Variants in UIMC1 observed in about 807,000 individuals in gnomAD.
UIMC1 encodes the protein ubiquitin interaction motif containing 1.
In UIMC1, 42 loss-of-function variants were observed where a neutral mutation model predicts 84.9. The observed-to-expected ratio is 0.49, with a 90% CI of 0.39 to 0.64. UIMC1 has a LOEUF of 0.64. Ranked by LOEUF, UIMC1 falls within the 30% of genes least tolerant of loss-of-function variation. The probability of loss-of-function intolerance (pLI) is 0.00; values close to 1 mark genes in which losing one functional copy is unlikely to be tolerated. For missense variants in UIMC1, 825 were observed against 847.6 expected (o/e 0.97, Z 0.33); for synonymous variants, 281 against 293.0 (o/e 0.96, Z 0.42).
At chr5:176,963,429 G>C (rs1451479900) in intron 6 of UIMC1, among the ~76,000 whole-genome samples, 3 of 151,726 alleles carry the variant, frequency 2.0e-5, no homozygotes, top group Non-Finnish European at 4.4e-5. Flanking sequence ...GCTGAAGCAG[G>C]AGAATCACTT....
At chr5:176,983,562 T>C (rs1341927911) in intron 1 of UIMC1, among the ~76,000 whole-genome samples, 1 of 152,132 alleles carries the variant, frequency 6.6e-6, no homozygotes, top group African/African-American at 2.4e-5. Flanking sequence ...TGGAGTGCAG[T>C]GGCATGATCT....
intron 1 of UIMC1, among the ~76,000 whole-genome samples, chr5:176,984,794 C>T (rs1242218024): frequency 1.3e-5 from 2 of 152,150 alleles, no homozygotes; most frequent in Admixed American, 1.3e-4. Context: ...AACCTTACCC[C>T]CAACCCCGTG....
At chr5:176,973,936 TGTTAGTCCCAG>T in intron 3 of UIMC1, among the ~76,000 whole-genome samples, 1 of 152,154 alleles carries the variant, frequency 6.6e-6, no homozygotes, top group African/African-American at 2.4e-5. Context: ...GATGCATGCC[TGTTAGTCCCAG>T]CTATTCAGGA....
chr5:177,019,400 C>G (rs1032309362), intron 1 of UIMC1, among the ~76,000 whole-genome samples: 1 of 152,054 alleles, frequency 6.6e-6, no homozygotes, highest in African/African-American at 2.4e-5. Context: ...CTTTGGGAGG[C>G]TGAGGCAGGA....
chr5:176,922,750 T>G (rs1761860566), intron 10 of UIMC1, among the ~76,000 whole-genome samples: 1 of 152,252 alleles, frequency 6.6e-6, no homozygotes, highest in African/African-American at 2.4e-5. Context: ...AGATATGAAT[T>G]ACTTTTAAGT....
intron 10 of UIMC1, 44 bp from the exon 11 acceptor site, chr5:176,911,433 C>T (rs1379032413): frequency 2.3e-6 from 3 of 1,332,606 alleles, no homozygotes; most frequent in Non-Finnish European, 3.0e-6. Flanking sequence ...AGTTAGCTGC[C>T]AGTAGACTCT....
upstream of UIMC1, among the ~76,000 whole-genome samples, chr5:177,009,791 T>C (rs960589680): frequency 2.6e-5 from 4 of 151,908 alleles, no homozygotes; most frequent in African/African-American, 9.7e-5. The surrounding 1 kb of genome is among the most constrained non-coding windows in gnomAD (Gnocchi z 4.3). Context: ...TCCCAGCATT[T>C]TGGGAGGCCG....
In UIMC1 at chr5:176,969,557, A is replaced by C. The variant is rs573088146; in HGVS notation, c.463+44T>G. The C allele has an allele frequency of 1.9e-6, 3 of 1,576,120 alleles. No individual in the cohort carries two copies. In the African/African-American group the frequency reaches 4.0e-5, roughly 21 times the overall value. ...TCTCAGCATGAGATCCCTGTGGTAC[A>C]GTTATACTTGATGAATGGAAGGAGT... On this transcript the variant is annotated intron_variant, in intron 5 of 14. Coordinates refer to ENST00000511320, the MANE Select transcript of UIMC1 (RefSeq NM_001199298.2).
intron 1 of UIMC1, among the ~76,000 whole-genome samples, chr5:176,997,274 G>A (rs902933295): frequency 6.6e-6 from 1 of 152,038 alleles, no homozygotes; most frequent in Non-Finnish European, 1.5e-5. Flanking sequence ...CAACTCTCGT[G>A]TAGACAATTT....
chr5:177,013,180 T>G (rs1775591705), intron 1 of UIMC1, among the ~76,000 whole-genome samples: 8 of 151,960 alleles, frequency 5.3e-5, no homozygotes, highest in Admixed American at 5.3e-4. Flanking sequence ...GAGACCAGCC[T>G]GGCCCACATG....
At chr5:176,961,999 CA>C (rs1348535720) in intron 6 of UIMC1, among the ~76,000 whole-genome samples, 5 of 69,776 alleles carry the variant, frequency 7.2e-5, no homozygotes, top group African/African-American at 1.3e-4. Context: ...GTGGGGGGGT[CA>C]GCCCCCCTGC....
In UIMC1 at chr5:176,969,683, G is replaced by A. The variant is rs72813116; in HGVS notation, c.381C>T (p.Ser127=). ...TGGCCAGAGGTCGAGATCTGGTAGC[G>A]GAAGCATCAGAAGGCCGGCAACTCT... ...SLNSCRPSDA[S]ATRSRPLATG... is the part of the protein sequence containing the mutation. Residue 127 remains serine (S), a synonymous_variant, in exon 5 of 15, where the codon TCC becomes TCT. Coordinates refer to ENST00000511320, the MANE Select transcript of UIMC1 (RefSeq NM_001199298.2). 0.017 allele frequency: 27,024 copies of A among 1,613,978 alleles called. 271 individuals are homozygous for A. The highest frequency in any genetic ancestry group is 0.028 in the South Asian group (2,508 of 91,068).
At chr5:176,990,788 C>T (rs907769056) in intron 1 of UIMC1, among the ~76,000 whole-genome samples, 8 of 151,874 alleles carry the variant, frequency 5.3e-5, no homozygotes, top group Non-Finnish European at 8.8e-5. Flanking sequence ...ATCCTCCTGC[C>T]CCAGCTTCCC....
At chr5:177,002,196 G>A (rs1036855941) in intron 1 of UIMC1, 1 of 152,042 alleles carries the variant, frequency 6.6e-6, no homozygotes, top group Non-Finnish European at 1.5e-5. Context: ...TCAGAAGGCT[G>A]AGGAGAAGGG....
intron 3 of UIMC1, among the ~76,000 whole-genome samples, chr5:176,974,977 G>T (rs1769836951): frequency 6.6e-6 from 1 of 151,732 alleles, no homozygotes; most frequent in South Asian, 2.1e-4. Flanking sequence ...AGCACAGCAG[G>T]ACCCTGTGTT....
rs747000045 is a variant in UIMC1 at position 176,968,989 on chromosome 5, G to A, written c.766C>T (p.His256Tyr). 19 of 1,614,226 alleles carry A rather than the reference G, an allele frequency of 1.2e-5. No homozygotes were observed. The highest frequency in any genetic ancestry group is 1.6e-5 in the Non-Finnish European group (19 of 1,180,046). ...GCATCTGCTAGGGTAGGTAGACAGT[G>A]CCTAGATGTGTCCCCGCTACCCTGG... is the stretch of plus-strand genomic sequence containing the variant. ...AVQGSGDTSR[H>Y]CLPTLADAKG... The change falls in exon 6 of 15, where the codon CAC (histidine) becomes TAC (tyrosine). Residue 256 changes from histidine to tyrosine, a missense_variant. Coordinates refer to ENST00000511320, the MANE Select transcript of UIMC1 (RefSeq NM_001199298.2).
intron 10 of UIMC1, among the ~76,000 whole-genome samples, chr5:176,916,918 G>A (rs1406441551): frequency 6.6e-6 from 1 of 152,032 alleles, no homozygotes; most frequent in Non-Finnish European, 1.5e-5. Context: ...CAAAGAGGAG[G>A]AACAATCAAC....
At chr5:176,923,816 A>C (rs1762013104) in intron 10 of UIMC1, among the ~76,000 whole-genome samples, 2 of 150,642 alleles carry the variant, frequency 1.3e-5, no homozygotes, top group Non-Finnish European at 3.0e-5. Context: ...GTGAGCCGAG[A>C]TTGTGCCACT....
intron 6 of UIMC1, 136 bp downstream of exon 6, chr5:176,968,419 C>T (rs1411514043): frequency 2.4e-6 from 3 of 1,270,896 alleles, no homozygotes; most frequent in Admixed American, 5.2e-5. Flanking sequence ...CTCTCCTGTA[C>T]TTTCCTAATT....
Sources: gnomAD v4.1 joint callset for allele counts (sites outside exome capture counted in the v4.1 genomes callset) on GRCh38, gnomAD v4.1.1 for gene constraint, Gnocchi (gnomAD v3.1) non-coding constraint, MANE v1.5 for transcripts, NCBI Gene and HGNC (gene_info 2026-07-23, HGNC 2026-07-21) for gene names.